Variants in CHD5 observed in about 807,000 individuals in gnomAD.
CHD5 encodes chromodomain helicase DNA binding protein 5, also known as ATP-dependent chromatin remodeler CHD5.
In CHD5, 69 loss-of-function variants were observed where a neutral mutation model predicts 230.3. The ratio of observed to expected loss-of-function variants is 0.30; its 90% CI spans 0.25 to 0.37. The LOEUF is 0.37. Among genes scored for constraint, CHD5 ranks in the 10% least tolerant of loss-of-function variants. The pLI is 1.00. For synonymous variants in CHD5, 1,064 were observed against 1,065.9 expected, an observed-to-expected ratio of 1.00 and a Z score of 0.03; for missense variants, 1,827 against 2,622.8, an observed-to-expected ratio of 0.70 and a Z score of 6.63.
rs369845736 is a variant in CHD5, at chr1:6,146,949, C to T, written c.1384-78G>A. On this transcript the variant is annotated intron_variant, in intron 9 of 41. Coordinates refer to ENST00000262450, the MANE Select transcript of CHD5 (RefSeq NM_015557.3). This position sits in a 1 kb window ranked among gnomAD's most constrained non-coding sequence, Gnocchi z 5.1. ...TGAGGCTCCCATGACAGCAGGCTGC[C>T]ATGCAGGCTCCCTCCCATCAGTGCC... 7.9e-6 allele frequency: 9 copies of T among 1,134,362 alleles called. No homozygotes were observed. The highest frequency in any genetic ancestry group is 7.8e-5 in the East Asian group (3 of 38,360). The allele number at this position is 1,134,362 out of a possible 1,614,324, so 70.3% of individuals were successfully genotyped here.
rs1004193597 is a variant in CHD5, at chr1:6,129,760, A to C, written c.3387+444T>G. Among the ~76,000 whole-genome samples, 2 of 150,006 alleles carry C rather than the reference A, an allele frequency of 1.3e-5. No homozygotes were observed. The highest frequency in any genetic ancestry group is 4.9e-5 in the African/African-American group (2 of 40,572). ...CCCCACAGCCCTTCCATCCTTCCTT[A>C]CAGCCCCATCTGCCCCTTGCACTAT... On this transcript the variant is annotated intron_variant, in intron 22 of 41. Coordinates refer to ENST00000262450, the MANE Select transcript of CHD5 (RefSeq NM_015557.3). This position sits in a 1 kb window ranked among gnomAD's most constrained non-coding sequence, Gnocchi z 6.8.
In CHD5 at chr1:6,175,642, T is replaced by C. The variant is rs544773061; in HGVS notation, c.79+4303A>G. Among the ~76,000 whole-genome samples, 45 of 151,074 alleles carry C rather than the reference T, an allele frequency of 3.0e-4. No homozygotes were observed. The South Asian group carries it at 8.6e-3, about 29-fold the overall frequency. On this transcript the variant is annotated intron_variant, in intron 1 of 41. Coordinates refer to ENST00000262450, the MANE Select transcript of CHD5 (RefSeq NM_015557.3). Reference sequence around the variant, plus strand: ...ATGAATGGTGGGAAGCATGGACAGATAGTGCATGGATGAATAGTGGATAAG... The same window carrying C: ...ATGAATGGTGGGAAGCATGGACAGACAGTGCATGGATGAATAGTGGATAAG...
At position 6,121,323 on chromosome 1, in the gene CHD5, A is replaced by C; in HGVS notation, c.4780-86T>G. 1 of 1,555,506 alleles carries C rather than the reference A, an allele frequency of 6.4e-7. No homozygotes were observed. The highest frequency in any genetic ancestry group is 8.7e-7 in the Non-Finnish European group (1 of 1,146,202). Reference sequence around the variant, plus strand: ...GGAACGTGCGCTGGGCTGGGAACCCAGTCTCCTGGCTCCCGTCGCTTGCTC... The same window carrying C: ...GGAACGTGCGCTGGGCTGGGAACCCCGTCTCCTGGCTCCCGTCGCTTGCTC... On this transcript the variant is annotated intron_variant, in intron 32 of 41. Coordinates refer to ENST00000262450, the MANE Select transcript of CHD5 (RefSeq NM_015557.3). The surrounding 1 kb of genome is among the most constrained non-coding windows in gnomAD (Gnocchi z 4.5).
In CHD5 at chr1:6,164,528, C is replaced by T. The variant is rs141751454; in HGVS notation, c.207+3622G>A. On this transcript the variant is annotated intron_variant, in intron 2 of 41. Coordinates refer to ENST00000262450, the MANE Select transcript of CHD5 (RefSeq NM_015557.3). ...CCACGACTTGCTGCCGGCCTCCCCC[C>T]ACTAACAAACTGCTGCTTGCGGCCC... Among the ~76,000 whole-genome samples the T allele has an allele frequency of 9.0e-3, 1,369 of 152,336 alleles. 19 individuals carry two copies. The highest frequency in any genetic ancestry group is 0.03 in the African/African-American group (1,263 of 41,576).
intron 33 of CHD5, among the ~76,000 whole-genome samples, chr1:6,114,940 G>A (rs1408255335): frequency 1.3e-5 from 2 of 151,484 alleles, no homozygotes; most frequent in African/African-American, 4.9e-5. Context: ...CTTGAACCCG[G>A]GAAGCAGAGG....
chr1:6,169,306 A>G (rs923795964), intron 1 of CHD5, among the ~76,000 whole-genome samples: 4 of 152,256 alleles, frequency 2.6e-5, no homozygotes, highest in Non-Finnish European at 5.9e-5. Context: ...AAGCTGTGAC[A>G]GTCCACAGAG....
At chr1:6,119,711 G>A (rs989646234) in intron 33 of CHD5, among the ~76,000 whole-genome samples, 8 of 151,204 alleles carry the variant, frequency 5.3e-5, no homozygotes, top group Non-Finnish European at 1.2e-4. Flanking sequence ...ATATATATAC[G>A]TGTGTGTATA....
chr1:6,176,985 A>G (rs1306952592), intron 1 of CHD5, among the ~76,000 whole-genome samples: 2 of 152,216 alleles, frequency 1.3e-5, no homozygotes, highest in Non-Finnish European at 2.9e-5. Flanking sequence ...ACCTGCCTCA[A>G]TGCCAGAGCT....
Position 6,154,642 on chromosome 1 carries a change from AC to A in CHD5, c.745+17del, listed in dbSNP as rs1157233651. 6.5e-7 allele frequency: 1 copy of A among 1,535,612 alleles called. No homozygotes were observed. The highest frequency in any genetic ancestry group is 2.3e-5 in the East Asian group (1 of 43,988). ...CTCTTCCCAGCGGGACTAGGTGCCC[AC>A]CCAACCCCAGCCTTACCTTTGCCCT... On this transcript the variant is annotated intron_variant, in intron 5 of 41. Coordinates refer to ENST00000262450, the MANE Select transcript of CHD5 (RefSeq NM_015557.3). This position sits in a 1 kb window ranked among gnomAD's most constrained non-coding sequence, Gnocchi z 7.0.
intron 33 of CHD5, among the ~76,000 whole-genome samples, chr1:6,114,109 C>T (rs575808499): frequency 1.3e-5 from 2 of 152,212 alleles, no homozygotes; most frequent in Admixed American, 1.3e-4. Flanking sequence ...AAAAATTAGC[C>T]AGGTGTGGTG....
At chr1:6,112,717 G>C (rs1440701561) in intron 34 of CHD5, among the ~76,000 whole-genome samples, 192 bp downstream of exon 34, 10 of 152,216 alleles carry the variant, frequency 6.6e-5, no homozygotes, top group Admixed American at 6.5e-4. Flanking sequence ...GGGCTCAGGA[G>C]AGAGTAGGGG....
chr1:6,152,824 C>T lies in CHD5; in HGVS notation c.746-288G>A, dbSNP rs538481560. ...GGCCCTTTTGGGAGGATCCCCTATA[C>T]CGTCTCCAACCACTGAAAGGAGGCA... On this transcript the variant is annotated intron_variant, in intron 5 of 41. Coordinates refer to ENST00000262450, the MANE Select transcript of CHD5 (RefSeq NM_015557.3). Among the ~76,000 whole-genome samples, 4 of 152,346 alleles carry T rather than the reference C, an allele frequency of 2.6e-5. No homozygotes were observed. The South Asian group carries it at 8.3e-4, about 32-fold the overall frequency.
intron 31 of CHD5, among the ~76,000 whole-genome samples, chr1:6,122,761 A>C (rs139639605): frequency 6.6e-6 from 1 of 152,376 alleles, no homozygotes; most frequent in East Asian, 1.9e-4. Context: ...AGCAAAATGC[A>C]GTAAATTCAT....
chr1:6,136,689 C>T (rs750746599), intron 16 of CHD5, 39 bp downstream of exon 16: 1 of 1,611,582 alleles, frequency 6.2e-7, no homozygotes, highest in South Asian at 1.1e-5. Context: ...GGCCCCTCGC[C>T]CCGGGAAGCT....
At chr1:6,124,192 G>T in intron 30 of CHD5, 85 bp from the exon 31 acceptor site, 1 of 1,299,716 alleles carries the variant, frequency 7.7e-7, no homozygotes, top group Non-Finnish European at 1.1e-6. Flanking sequence ...GCAGCCAGGG[G>T]GGCTGAAAGT....
chr1:6,121,315 G>A lies in CHD5; in HGVS notation c.4780-78C>T. 1 of 1,562,496 alleles carries A rather than the reference G, an allele frequency of 6.4e-7. No homozygotes were observed. Among genetic ancestry groups the A allele is most frequent in the Non-Finnish European group, 8.7e-7 (1 of 1,151,230 alleles). ...GAGGGCGGGGAACGTGCGCTGGGCT[G>A]GGAACCCAGTCTCCTGGCTCCCGTC... On this transcript the variant is annotated intron_variant, in intron 32 of 41. Coordinates refer to ENST00000262450, the MANE Select transcript of CHD5 (RefSeq NM_015557.3). This position sits in a 1 kb window ranked among gnomAD's most constrained non-coding sequence, Gnocchi z 4.5.
Position 6,126,504 on chromosome 1 carries a change from C to T in CHD5, c.4078+68G>A, listed in dbSNP as rs2273036. ...CCCGGGGGTTCTGCACAGGGATGCC[C>T]TGACAGAATCCTGCCCCACCCTCCG... On this transcript the variant is annotated intron_variant, in intron 26 of 41. Coordinates refer to ENST00000262450, the MANE Select transcript of CHD5 (RefSeq NM_015557.3). This position sits in a 1 kb window ranked among gnomAD's most constrained non-coding sequence, Gnocchi z 5.7. 8,639 of 1,332,740 alleles carry T rather than the reference C, an allele frequency of 6.5e-3. 694 individuals are homozygous for T. The East Asian group carries it at 0.18, about 27-fold the overall frequency. 82.6% of individuals were successfully genotyped at this position (1,332,740 alleles called of 1,614,324 possible).
At chr1:6,132,437 A>G (rs993986938) in intron 20 of CHD5, among the ~76,000 whole-genome samples, 4 of 152,114 alleles carry the variant, frequency 2.6e-5, no homozygotes, top group Non-Finnish European at 5.9e-5. Context: ...TCATTTATTT[A>G]TATTTATCTT....
chr1:6,155,024 A>G lies in CHD5; in HGVS notation c.507-126T>C. On this transcript the variant is annotated intron_variant, in intron 4 of 41. Transcript: ENST00000262450. This position sits in a 1 kb window ranked among gnomAD's most constrained non-coding sequence, Gnocchi z 4.0. ...TGGCAGCAGCCCCAGGTTCCTGATT[A>G]GAGAGATTAGGCGGGAAACCCACTG... 2.3e-6 allele frequency: 2 copies of G among 870,892 alleles called. No homozygotes were observed. The highest frequency in any genetic ancestry group is 2.7e-5 in the East Asian group (1 of 37,200). 53.9% of individuals were successfully genotyped at this position (870,892 alleles called of 1,614,324 possible).
Sources: gnomAD v4.1 joint callset for allele counts (sites outside exome capture counted in the v4.1 genomes callset) on GRCh38, gnomAD v4.1.1 for gene constraint, Gnocchi (gnomAD v3.1) non-coding constraint, MANE v1.5 for transcripts, NCBI Gene and HGNC (gene_info 2026-07-23, HGNC 2026-07-21) for gene names.